The following SUDS3 variants were observed in gnomAD, a reference collection of about 807,000 sequenced individuals.
SUDS3 encodes SIN3A corepressor complex component SDS3.
SUDS3 carries 23 observed loss-of-function variants against 53.5 expected under a neutral mutation model. The observed-to-expected ratio is 0.43, with a 90% CI of 0.31 to 0.61. The LOEUF is 0.61. SUDS3 is among the 20% of genes least tolerant of loss of function. The pLI, the probability that SUDS3 is intolerant of heterozygous loss-of-function variation, is 0.10. For synonymous variants in SUDS3, 150 were observed against 148.5 expected (o/e 1.01, Z -0.08); for missense variants, 291 against 405.9 (o/e 0.72, Z 2.43).
rs1466486565 is a variant in SUDS3, at chr12:118,415,669, A to G, written c.*1236A>G. The G allele has an allele frequency of 6.6e-6, 1 of 152,204 alleles. No homozygotes were observed. The highest frequency in any genetic ancestry group is 1.5e-5 in the Non-Finnish European group (1 of 68,038). The allele number at this position is 152,204 out of a possible 1,614,324, so 9.4% of individuals were successfully genotyped here. A position where few individuals can be genotyped will look rare whatever the true frequency, so the allele number is the denominator to read the frequency against. On this transcript the variant is annotated 3_prime_UTR_variant, in exon 12 of 12. Coordinates refer to ENST00000543473, the MANE Select transcript of SUDS3 (RefSeq NM_022491.3). ...GGTTAGAGCAACTGTTAGCGTCTCT[A>G]TGAGCAATCAGTAGAACTTACACAT...
At chr12:118,397,762 A>C (rs554304710) in intron 6 of SUDS3, among the ~76,000 whole-genome samples, 1 of 151,162 alleles carries the variant, frequency 6.6e-6, no homozygotes, top group South Asian at 2.1e-4. Context: ...ATTTGATTGT[A>C]TTTTTTGGTT....
intron 6 of SUDS3, among the ~76,000 whole-genome samples, 196 bp downstream of exon 6, chr12:118,391,478 C>A (rs576693395): frequency 6.6e-6 from 1 of 152,306 alleles, no homozygotes; most frequent in South Asian, 2.1e-4. Context: ...CTCTTTTCTC[C>A]TCTATGAAAT....
chr12:118,384,824 T>G (rs1009344672), intron 3 of SUDS3, among the ~76,000 whole-genome samples: 11 of 148,462 alleles, frequency 7.4e-5, no homozygotes, highest in Non-Finnish European at 1.2e-4. Flanking sequence ...AAAGCGAGAC[T>G]CAGTCTCAAA....
chr12:118,409,221 T>G (rs1351593344), intron 10 of SUDS3, among the ~76,000 whole-genome samples: 1 of 151,980 alleles, frequency 6.6e-6, no homozygotes, highest in Non-Finnish European at 1.5e-5. Context: ...GATCTTGGCT[T>G]GCTGCAAGCT....
intron 6 of SUDS3, among the ~76,000 whole-genome samples, chr12:118,395,366 C>T (rs745628930): frequency 6.6e-6 from 1 of 151,830 alleles, no homozygotes; most frequent in Admixed American, 6.6e-5. Flanking sequence ...GCTGGGACTA[C>T]AGGCACCCAC....
intron 10 of SUDS3, among the ~76,000 whole-genome samples, chr12:118,404,722 T>C (rs902424515): frequency 2.0e-5 from 3 of 152,198 alleles, no homozygotes; most frequent in African/African-American, 7.2e-5. Flanking sequence ...GAGAATGTTT[T>C]TCTGGGTTAC....
At chr12:118,391,329 G>C (rs775586691) in intron 6 of SUDS3, 47 bp downstream of exon 6, 2 of 1,554,678 alleles carry the variant, frequency 1.3e-6, no homozygotes, top group Non-Finnish European at 1.7e-6. Context: ...TGAGCGGGGG[G>C]GTGTGAAGGG....
In SUDS3 at chr12:118,399,966, A is replaced by G. The variant is rs2046249176; in HGVS notation, c.518-693A>G. ...AAGATGATCAGTATTCAGGGAGCAGACAAGCGAACCCCGAGGAGGCAGGTT... is the reference window on the plus strand; with the variant it reads ...AAGATGATCAGTATTCAGGGAGCAGGCAAGCGAACCCCGAGGAGGCAGGTT... On this transcript the variant is annotated intron_variant, in intron 6 of 11. Transcript: ENST00000543473. 2.0e-5 allele frequency among the ~76,000 whole-genome samples: 3 copies of G among 152,156 alleles called. No homozygotes were observed. The South Asian group carries it at 6.2e-4, about 32-fold the overall frequency.
Position 118,417,679 on chromosome 12 carries a change from T to C in SUDS3, c.*3246T>C, listed in dbSNP as rs893755401. On this transcript the variant is annotated 3_prime_UTR_variant, in exon 12 of 12. Transcript: ENST00000543473. ...AATGTAAAATATAAAAGGTATAGGT[T>C]TTTTTTTTTTTTTAAAGAAAACAAT... The C allele has an allele frequency of 1.5e-5, 2 of 134,276 alleles. No homozygotes were observed. The highest frequency in any genetic ancestry group is 3.0e-5 in the Non-Finnish European group (2 of 66,282). The allele number at this position is 134,276 out of a possible 1,614,324, so 8.3% of individuals were successfully genotyped here. A position where few individuals can be genotyped will look rare whatever the true frequency, so the allele number is the denominator to read the frequency against.
chr12:118,402,200 TTTG>T (rs1157478820), intron 9 of SUDS3, 196 bp downstream of exon 9: 3 of 573,590 alleles, frequency 5.2e-6, no homozygotes, highest in Non-Finnish European at 3.1e-6. Flanking sequence ...TAACCCCTGC[TTTG>T]TTGTTTTTAT....
intron 1 of SUDS3, among the ~76,000 whole-genome samples, chr12:118,379,108 G>A (rs2046030127): frequency 6.6e-6 from 1 of 151,796 alleles, no homozygotes; most frequent in East Asian, 2.0e-4. Context: ...TGCCATGCCT[G>A]GCCTGGATAT....
chr12:118,378,297 A>G (rs1341819390), intron 1 of SUDS3, among the ~76,000 whole-genome samples: 2 of 152,046 alleles, frequency 1.3e-5, no homozygotes, highest in African/African-American at 4.8e-5. Context: ...TTTATTGTAT[A>G]CAGTTGGCTC....
rs1334412041 is a variant in SUDS3 at position 118,415,695 on chromosome 12, CCTAGG to C, written c.*1263_*1267del. ...TGAGCAATCAGTAGAACTTACACAT[CCTAGG>C]AAATCTTTCTTTGTAAGTAATTCTT... On this transcript the variant is annotated 3_prime_UTR_variant, in exon 12 of 12. Coordinates refer to ENST00000543473, the MANE Select transcript of SUDS3 (RefSeq NM_022491.3). 1 of 152,082 alleles carries C rather than the reference CCTAGG, an allele frequency of 6.6e-6. No individual in the cohort carries two copies. The highest frequency in any genetic ancestry group is 1.5e-5 in the Non-Finnish European group (1 of 68,016). The allele number at this position is 152,082 out of a possible 1,614,324, so 9.4% of individuals were successfully genotyped here. A position where few individuals can be genotyped will look rare whatever the true frequency, so the allele number is the denominator to read the frequency against.
At chr12:118,384,391 T>A (rs1422350729) in intron 3 of SUDS3, among the ~76,000 whole-genome samples, 2 of 152,180 alleles carry the variant, frequency 1.3e-5, no homozygotes, top group African/African-American at 4.8e-5. Flanking sequence ...AAGAATAAAG[T>A]TTTTACTGTT....
intron 4 of SUDS3, among the ~76,000 whole-genome samples, chr12:118,389,399 C>T (rs542772087): frequency 5.3e-5 from 8 of 152,146 alleles, no homozygotes; most frequent in South Asian, 4.2e-4. Context: ...AGACTGTTGG[C>T]GGGTGGACTG....
chr12:118,376,933 T>A, intron 1 of SUDS3, 100 bp downstream of exon 1: 1 of 1,323,376 alleles, frequency 7.6e-7, no homozygotes, highest in Non-Finnish European at 9.7e-7. Flanking sequence ...CTCCGGGGCC[T>A]GGGGCTGCGT....
chr12:118,405,244 T>G (rs1403866023), intron 10 of SUDS3, among the ~76,000 whole-genome samples: 1 of 152,254 alleles, frequency 6.6e-6, no homozygotes, highest in Admixed American at 6.5e-5. Context: ...GATTTATCAC[T>G]AACATTTTTA....
chr12:118,410,981 AT>A, intron 10 of SUDS3, 91 bp from the exon 11 acceptor site: 2 of 992,846 alleles, frequency 2.0e-6, no homozygotes, highest in Non-Finnish European at 3.1e-6. Context: ...TTTAATTATA[AT>A]TTTTGTTGTG....
chr12:118,414,653 C>T lies in SUDS3; in HGVS notation c.*220C>T, dbSNP rs2046385053. ...TCAACTTCTTCCAGACATCAGTCAC[C>T]ATGAGACTGTTTTACTTTCAGGCGT... On this transcript the variant is annotated 3_prime_UTR_variant, in exon 12 of 12. Coordinates refer to ENST00000543473, the MANE Select transcript of SUDS3 (RefSeq NM_022491.3). 6.9e-6 allele frequency: 3 copies of T among 432,022 alleles called. No individual in the cohort carries two copies. Among genetic ancestry groups the T allele is most frequent in the Non-Finnish European group, 1.2e-5 (3 of 245,286 alleles). The allele number at this position is 432,022 out of a possible 1,614,324, so 26.8% of individuals were successfully genotyped here.
Sources: gnomAD v4.1 joint callset for allele counts (sites outside exome capture counted in the v4.1 genomes callset) on GRCh38, gnomAD v4.1.1 for gene constraint, MANE v1.5 for transcripts, NCBI Gene and HGNC (gene_info 2026-07-23, HGNC 2026-07-21) for gene names.